The following SCRG1 variants were observed in gnomAD, a reference collection of about 807,000 sequenced individuals.
The protein encoded by SCRG1 is scrapie-responsive protein 1.
A neutral mutation model predicts 7.7 loss-of-function variants in SCRG1; 3 were observed. The ratio of observed to expected loss-of-function variants is 0.39; its 90% CI spans 0.18 to 1.01. The LOEUF (loss-of-function observed/expected upper bound fraction) is 1.01, where lower values mean the gene tolerates loss of function less well. SCRG1 is among the 50% of genes least tolerant of loss of function. SCRG1 has a pLI of 0.36. For synonymous variants in SCRG1, 46 were observed against 41.2 expected (o/e 1.12, Z -0.44); for missense variants, 110 against 117.2 (o/e 0.94, Z 0.28).
the SCRG1 span, among the ~76,000 whole-genome samples, chr4:173,509,391 C>A: frequency 6.6e-6 from 1 of 152,124 alleles, no homozygotes; most frequent in Admixed American, 6.5e-5. The surrounding 1 kb of genome is among the most constrained non-coding windows in gnomAD (Gnocchi z 5.7). Context: ...TAGAGCCTGG[C>A]GCTTTTCCTC....
chr4:173,463,378 G>A, the SCRG1 span, among the ~76,000 whole-genome samples: 8 of 152,142 alleles, frequency 5.3e-5, no homozygotes, highest in Non-Finnish European at 1.2e-4. Flanking sequence ...GGGTTTAAGT[G>A]ATTCTCCTGC....
At chr4:173,518,946 C>A in the SCRG1 span, among the ~76,000 whole-genome samples, 1 of 149,992 alleles carries the variant, frequency 6.7e-6, no homozygotes, top group Non-Finnish European at 1.5e-5. Flanking sequence ...GCTAGAGTTG[C>A]CCCCACGTCC....
the SCRG1 span, among the ~76,000 whole-genome samples, chr4:173,435,010 T>A: frequency 1.3e-5 from 2 of 152,094 alleles, no homozygotes; most frequent in African/African-American, 4.8e-5. Context: ...GGAATTGATA[T>A]TTTTTGAAAA....
the SCRG1 span, among the ~76,000 whole-genome samples, chr4:173,439,246 G>T: frequency 5.9e-5 from 9 of 152,232 alleles, no homozygotes; most frequent in South Asian, 2.1e-4. Context: ...AAACTTTTTT[G>T]TGTGTTAAAG....
At chr4:173,514,243 C>G in the SCRG1 span, among the ~76,000 whole-genome samples, 1 of 152,210 alleles carries the variant, frequency 6.6e-6, no homozygotes, top group Admixed American at 6.5e-5. Context: ...ATTTGCTCCT[C>G]CAGTTAAGTT....
At chr4:173,480,163 C>T in the SCRG1 span, among the ~76,000 whole-genome samples, 1 of 152,018 alleles carries the variant, frequency 6.6e-6, no homozygotes, top group Non-Finnish European at 1.5e-5. Flanking sequence ...AAGGAGATAG[C>T]CTCATCTATG....
At chr4:173,473,600 C>A in the SCRG1 span, among the ~76,000 whole-genome samples, 2 of 152,058 alleles carry the variant, frequency 1.3e-5, no homozygotes, top group African/African-American at 4.8e-5. Context: ...AGGAAAGGAG[C>A]TTTGTGAAAG....
the SCRG1 span, among the ~76,000 whole-genome samples, chr4:173,497,136 A>G: frequency 6.6e-6 from 1 of 152,194 alleles, no homozygotes; most frequent in Non-Finnish European, 1.5e-5. Flanking sequence ...ACAACAAAAA[A>G]GAAGAATGGC....
At chr4:173,494,598 T>C in the SCRG1 span, among the ~76,000 whole-genome samples, 18 of 151,894 alleles carry the variant, frequency 1.2e-4, no homozygotes, top group Admixed American at 4.6e-4. Context: ...AGGCAGGAGG[T>C]AGATGAGGCT....
chr4:173,386,679 T>C lies in SCRG1; in HGVS notation c.*1662A>G, dbSNP rs1739258060. 6.6e-6 allele frequency: 1 copy of C among 152,216 alleles called. No individual in the cohort carries two copies. The allele number at this position is 152,216 out of a possible 1,614,324, so 9.4% of individuals were successfully genotyped here. A position where few individuals can be genotyped will look rare whatever the true frequency, so the allele number is the denominator to read the frequency against. ...TATTTTAATGAAATAATGTCACTTT[T>C]ATTCATAAAATGATATCTCCCAGAT... On this transcript the variant is annotated 3_prime_UTR_variant, in exon 3 of 3. Transcript: ENST00000296506.
At chr4:173,432,502 G>A in the SCRG1 span, among the ~76,000 whole-genome samples, 3 of 151,170 alleles carry the variant, frequency 2.0e-5, no homozygotes, top group African/African-American at 7.3e-5. Flanking sequence ...CTCAGTATCT[G>A]TCTTTGTGGA....
the SCRG1 span, among the ~76,000 whole-genome samples, chr4:173,511,791 C>A: frequency 6.6e-6 from 1 of 151,976 alleles, no homozygotes; most frequent in Non-Finnish European, 1.5e-5. The surrounding 1 kb of genome is among the most constrained non-coding windows in gnomAD (Gnocchi z 5.2). Context: ...TATATATAAA[C>A]TTGGCTTAGT....
chr4:173,513,607 T>C, the SCRG1 span, among the ~76,000 whole-genome samples: 1 of 152,186 alleles, frequency 6.6e-6, no homozygotes, highest in African/African-American at 2.4e-5. Context: ...TTAGACAATG[T>C]CAATCTTTCT....
chr4:173,498,304 C>A, the SCRG1 span, among the ~76,000 whole-genome samples: 2 of 152,190 alleles, frequency 1.3e-5, no homozygotes, highest in African/African-American at 2.4e-5. Context: ...TACATTAATG[C>A]TCCTGAACCC....
intron 1 of SCRG1, among the ~76,000 whole-genome samples, chr4:173,405,242 G>C (rs1279219960): frequency 6.6e-6 from 1 of 152,120 alleles, no homozygotes; most frequent in Non-Finnish European, 1.5e-5. Flanking sequence ...ACTTAGATCT[G>C]TCTAATATTG....
At chr4:173,415,008 C>T in the SCRG1 span, among the ~76,000 whole-genome samples, 4 of 152,316 alleles carry the variant, frequency 2.6e-5, no homozygotes, top group East Asian at 5.8e-4. Flanking sequence ...ATCTACCAGG[C>T]TCACATCCCA....
At chr4:173,500,339 C>T in the SCRG1 span, among the ~76,000 whole-genome samples, 1 of 152,358 alleles carries the variant, frequency 6.6e-6, no homozygotes, top group South Asian at 2.1e-4. Flanking sequence ...CCGGAGGCCT[C>T]CGGCGCTCCC....
the SCRG1 span, among the ~76,000 whole-genome samples, chr4:173,421,347 G>A: frequency 2.6e-5 from 4 of 151,742 alleles, no homozygotes; most frequent in African/African-American, 9.7e-5. Context: ...ATAAATTGTC[G>A]AATGAGTCAG....
At chr4:173,484,753 T>TGC in the SCRG1 span, among the ~76,000 whole-genome samples, 2,791 of 87,460 alleles carry the variant, frequency 0.032, 199 homozygotes, top group Non-Finnish European at 0.039. Context: ...ATATATTATA[T>TGC]ACATATAATA....
Sources: allele counts gnomAD v4.1 joint callset (sites outside exome capture counted in the v4.1 genomes callset), GRCh38; gene constraint gnomAD v4.1.1; non-coding constraint Gnocchi (gnomAD v3.1); transcripts MANE v1.5; gene names NCBI Gene and HGNC (gene_info 2026-07-23, HGNC 2026-07-21).